Variants in NCOR1 observed in about 807,000 individuals in gnomAD.
NCOR1 encodes nuclear receptor corepressor 1, also known as protein phosphatase 1, regulatory subunit 109.
Under a neutral mutation model 288.1 loss-of-function variants are expected in NCOR1, and 63 were observed. That is an observed-to-expected ratio of 0.22 (90% CI 0.18 to 0.27). The LOEUF is 0.27. NCOR1 is among the 10% of genes least tolerant of loss of function. The probability of loss-of-function intolerance (pLI) is 1.00; values close to 1 mark genes in which losing one functional copy is unlikely to be tolerated. For synonymous variants in NCOR1, 1,007 were observed against 1,065.9 expected, an observed-to-expected ratio of 0.94 and a Z score of 1.08; for missense variants, 2,397 against 3,019.2, an observed-to-expected ratio of 0.79 and a Z score of 4.83.
chr17:16,180,020 C>A (rs1432050885), intron 3 of NCOR1, among the ~76,000 whole-genome samples: 2 of 148,054 alleles, frequency 1.4e-5, no homozygotes, highest in African/African-American at 5.0e-5. Flanking sequence ...TTCAACAACA[C>A]ATCACGAAGA....
At chr17:16,190,211 T>C (rs926259010) in intron 2 of NCOR1, among the ~76,000 whole-genome samples, 12 of 152,210 alleles carry the variant, frequency 7.9e-5, no homozygotes, top group African/African-American at 2.4e-4. Context: ...GCCTGGGTGA[T>C]AGAGTGAAAC....
intron 3 of NCOR1, among the ~76,000 whole-genome samples, chr17:16,183,861 C>T (rs2086050387): frequency 3.9e-5 from 6 of 152,032 alleles, no homozygotes. Context: ...GTAATCAAAA[C>T]AATATGGTAT....
At chr17:16,200,025 T>C (rs140472168) in intron 1 of NCOR1, among the ~76,000 whole-genome samples, 1,968 of 152,152 alleles carry the variant, frequency 0.013, 18 homozygotes, top group Non-Finnish European at 0.019. Flanking sequence ...CGCACACATA[T>C]TTACTCAACA....
chr17:16,029,370 G>A lies in NCOR1; in HGVS notation c.*2926C>T. ...ATTGGTCTAAATTCAAAAGTGAATT[G>A]GTTAAAATCGTGTCATTAAAATTTT... On this transcript the variant is annotated 3_prime_UTR_variant, in exon 46 of 46. Transcript: ENST00000268712. 2.9e-6 allele frequency: 1 copy of A among 350,822 alleles called. No homozygotes were observed. Among genetic ancestry groups the A allele is most frequent in the Non-Finnish European group, 5.6e-6 (1 of 178,144 alleles). 21.7% of individuals were successfully genotyped at this position (350,822 alleles called of 1,614,324 possible).
chr17:16,127,651 G>A (rs1265362946), intron 14 of NCOR1, among the ~76,000 whole-genome samples: 1 of 142,180 alleles, frequency 7.0e-6, no homozygotes, highest in African/African-American at 2.7e-5. Flanking sequence ...ATGTGTATGT[G>A]TATATATACA....
intron 32 of NCOR1, 103 bp from the exon 33 acceptor site, chr17:16,065,797 A>T: frequency 2.0e-6 from 2 of 1,001,966 alleles, no homozygotes; most frequent in Non-Finnish European, 3.0e-6. Flanking sequence ...ATGCTGAGCT[A>T]GTGCACATGG....
intron 14 of NCOR1, among the ~76,000 whole-genome samples, chr17:16,134,450 G>A (rs1481683169): frequency 6.6e-6 from 1 of 152,170 alleles, no homozygotes; most frequent in Non-Finnish European, 1.5e-5. Context: ...GCAACCTAAG[G>A]CTCAGGTCAA....
chr17:16,050,635 C>A (rs1469470856), intron 40 of NCOR1, among the ~76,000 whole-genome samples: 2 of 152,128 alleles, frequency 1.3e-5, no homozygotes, highest in African/African-American at 2.4e-5. Context: ...TTTGTTATGG[C>A]CTTTCTCAAT....
intron 31 of NCOR1, chr17:16,068,554 T>A (rs1049779050): frequency 5.5e-6 from 1 of 183,290 alleles, no homozygotes. Context: ...TTTCACTAAT[T>A]TTTTCCTTGC....
At chr17:16,148,663 CAAAAAAAAAAAAAA>C (rs397857284) in intron 9 of NCOR1, among the ~76,000 whole-genome samples, 6 of 48,346 alleles carry the variant, frequency 1.2e-4, no homozygotes, top group South Asian at 1.0e-3. Context: ...ATGTTCTTGG[CAAAAAAAAAAAAAA>C]AAAAAAAAAA....
chr17:16,076,006 A>G (rs911201619), intron 26 of NCOR1, among the ~76,000 whole-genome samples: 5 of 152,230 alleles, frequency 3.3e-5, no homozygotes, highest in African/African-American at 1.2e-4. Flanking sequence ...GTTTCTCTTA[A>G]GGACTAAAAT....
In NCOR1 at chr17:16,199,219, ACACAC is replaced by A. The variant is rs1568640706; in HGVS notation, c.-70-4585_-70-4581del. ...AATACAGAAGGAAAAAAAAAAAAAC[ACACAC>A]ACACACACACACACACACACTAGCA... On this transcript the variant is annotated intron_variant, in intron 1 of 45. Coordinates refer to ENST00000268712, the MANE Select transcript of NCOR1 (RefSeq NM_006311.4). 6.8e-4 allele frequency among the ~76,000 whole-genome samples: 45 copies of A among 66,566 alleles called. 1 individual carries two copies. The highest frequency in any genetic ancestry group is 1.5e-3 in the African/African-American group (35 of 23,106). The allele number at this position is 66,566 out of a possible 152,430, so 43.7% of individuals were successfully genotyped here.
chr17:16,158,895 A>G (rs372567513), intron 5 of NCOR1, 22 bp from the exon 6 acceptor site: 43 of 1,563,236 alleles, frequency 2.8e-5, no homozygotes, highest in Non-Finnish European at 3.7e-5. Context: ...AGAAAGAAAG[A>G]GTCAAGCATG....
At chr17:16,181,382 T>C (rs558436365) in intron 3 of NCOR1, among the ~76,000 whole-genome samples, 54 of 45,696 alleles carry the variant, frequency 1.2e-3, no homozygotes, top group Non-Finnish European at 1.7e-3. Context: ...CCCCTATATA[T>C]GGAATATTAA....
chr17:16,052,102 G>A (rs756495588), intron 40 of NCOR1, among the ~76,000 whole-genome samples: 2 of 151,768 alleles, frequency 1.3e-5, no homozygotes, highest in South Asian at 2.1e-4. Flanking sequence ...TCCGCCTCCC[G>A]GGTTCACGCC....
At chr17:16,213,367 C>A (rs1337780092) in intron 1 of NCOR1, among the ~76,000 whole-genome samples, 2 of 151,798 alleles carry the variant, frequency 1.3e-5, no homozygotes, top group African/African-American at 4.8e-5. Context: ...GTGGCACGCG[C>A]CTGTAGTCCC....
At chr17:16,179,258 A>G (rs1055932222) in intron 3 of NCOR1, among the ~76,000 whole-genome samples, 16 of 152,180 alleles carry the variant, frequency 1.1e-4, no homozygotes, top group African/African-American at 3.6e-4. Context: ...TAGAATTCAT[A>G]TAAATAAAAT....
chr17:16,081,643 C>A (rs1171717262), intron 23 of NCOR1, among the ~76,000 whole-genome samples: 11 of 152,122 alleles, frequency 7.2e-5, no homozygotes, highest in Non-Finnish European at 1.5e-5. Flanking sequence ...TGGGAGACTC[C>A]ATTCACAAAG....
intron 15 of NCOR1, 37 bp from the exon 16 acceptor site, chr17:16,121,306 A>G (rs951432857): frequency 1.9e-6 from 3 of 1,567,226 alleles, no homozygotes; most frequent in East Asian, 2.2e-5. Flanking sequence ...GTGTGATTCC[A>G]AAGTATACAT....
Sources: allele counts gnomAD v4.1 joint callset (sites outside exome capture counted in the v4.1 genomes callset), GRCh38; gene constraint gnomAD v4.1.1; transcripts MANE v1.5; gene names NCBI Gene and HGNC (gene_info 2026-07-23, HGNC 2026-07-21).